The following MDGA2 variants were observed in gnomAD, a reference collection of about 807,000 sequenced individuals.
MDGA2 encodes MAM domain containing glycosylphosphatidylinositol anchor 2.
In MDGA2, 40 loss-of-function variants were observed where a neutral mutation model predicts 117.8. The observed-to-expected ratio is 0.34, with a 90% CI of 0.26 to 0.44. MDGA2 has a LOEUF of 0.44. MDGA2 is among the 20% of genes least tolerant of loss of function. The probability of loss-of-function intolerance (pLI) is 1.00; values close to 1 mark genes in which losing one functional copy is unlikely to be tolerated. For missense variants in MDGA2, 1,123 were observed against 1,250.6 expected (o/e 0.90, Z 1.54); for synonymous variants, 452 against 439.0 (o/e 1.03, Z -0.37).
intron 2 of MDGA2, among the ~76,000 whole-genome samples, chr14:47,278,940 T>C (rs1014633326): frequency 2.4e-4 from 36 of 152,134 alleles, no homozygotes; most frequent in East Asian, 1.2e-3. Context: ...CATCAGAATA[T>C]ATAGGAAGGC....
At chr14:47,563,569 C>CT in intron 1 of MDGA2, among the ~76,000 whole-genome samples, 1 of 85,386 alleles carries the variant, frequency 1.2e-5, no homozygotes, top group Non-Finnish European at 2.4e-5. Flanking sequence ...GCAACCCCTG[C>CT]TTTTTTCTGT....
intron 9 of MDGA2, among the ~76,000 whole-genome samples, chr14:46,923,971 C>A (rs1213869101): frequency 1.3e-5 from 2 of 151,972 alleles, no homozygotes; most frequent in Non-Finnish European, 2.9e-5. Context: ...AATTTTCTTA[C>A]TCTGTCACAT....
intron 1 of MDGA2, among the ~76,000 whole-genome samples, chr14:47,360,496 G>A (rs1222773534): frequency 6.6e-6 from 1 of 152,046 alleles, no homozygotes; most frequent in Non-Finnish European, 1.5e-5. Context: ...CTTTCCCAAT[G>A]AGAGAAATGC....
At chr14:46,842,751 C>T (rs1594988004) in intron 16 of MDGA2, among the ~76,000 whole-genome samples, 1 of 152,226 alleles carries the variant, frequency 6.6e-6, no homozygotes, top group East Asian at 1.9e-4. Context: ...TGGCTTGTAT[C>T]TAGGGGAGAA....
intron 4 of MDGA2, among the ~76,000 whole-genome samples, chr14:47,134,297 C>A (rs540462670): frequency 1.3e-4 from 20 of 152,060 alleles, no homozygotes; most frequent in African/African-American, 4.3e-4. Context: ...GTTAATAGTA[C>A]TGTAACTACC....
intron 7 of MDGA2, among the ~76,000 whole-genome samples, chr14:47,054,584 C>A (rs372431464): frequency 1.3e-5 from 2 of 149,642 alleles, no homozygotes; most frequent in African/African-American, 4.9e-5. Flanking sequence ...TTTGTCCTTG[C>A]GATAGTTTGC....
chr14:47,249,033 G>C lies in MDGA2; in HGVS notation c.421-30838C>G, dbSNP rs1357201915. Among the ~76,000 whole-genome samples the C allele has an allele frequency of 1.9e-3, 101 of 53,774 alleles. 1 individual carries two copies. The highest frequency in any genetic ancestry group is 8.2e-3 in the African/African-American group (96 of 11,644). The allele number at this position is 53,774 out of a possible 152,430, so 35.3% of individuals were successfully genotyped here. On this transcript the variant is annotated intron_variant, in intron 2 of 16. Transcript: ENST00000399232. ...TTTGTTGTTGTTGTTGTTGTTTTTTGTTTTTCATGGAGTCTCGCTCTGTCA... is the reference window on the plus strand; with the variant it reads ...TTTGTTGTTGTTGTTGTTGTTTTTTCTTTTTCATGGAGTCTCGCTCTGTCA...
intron 1 of MDGA2, among the ~76,000 whole-genome samples, chr14:47,452,092 G>A (rs1470625600): frequency 6.6e-6 from 1 of 152,080 alleles, no homozygotes; most frequent in East Asian, 1.9e-4. Context: ...TTTTGAACAG[G>A]ATTCTTTAAA....
intron 2 of MDGA2, among the ~76,000 whole-genome samples, chr14:47,296,726 C>T (rs888656287): frequency 1.3e-5 from 2 of 152,212 alleles, no homozygotes; most frequent in African/African-American, 4.8e-5. Context: ...AGCAATGCTA[C>T]CATACATTTC....
At chr14:46,931,491 G>A (rs542490568) in intron 9 of MDGA2, among the ~76,000 whole-genome samples, 3 of 147,926 alleles carry the variant, frequency 2.0e-5, no homozygotes, top group South Asian at 4.3e-4. Context: ...GAAAAAAAAT[G>A]TGTTTCATTC....
chr14:47,275,187 A>T (rs1443438876), intron 2 of MDGA2, among the ~76,000 whole-genome samples: 2 of 152,160 alleles, frequency 1.3e-5, no homozygotes, highest in Non-Finnish European at 2.9e-5. Flanking sequence ...GAATAGTGGA[A>T]CCTTATTCCA....
chr14:47,288,212 T>G (rs768140562), intron 2 of MDGA2, among the ~76,000 whole-genome samples: 3 of 152,186 alleles, frequency 2.0e-5, no homozygotes, highest in Non-Finnish European at 2.9e-5. Context: ...AGATATAAAA[T>G]TTACATATCT....
intron 1 of MDGA2, among the ~76,000 whole-genome samples, chr14:47,467,548 C>T (rs1256292198): frequency 6.6e-6 from 1 of 152,198 alleles, no homozygotes; most frequent in Middle Eastern, 3.4e-3. Context: ...TAATTTTCAA[C>T]ACCCAGAAGT....
chr14:47,666,287 G>T (rs1262178525), intron 1 of MDGA2, among the ~76,000 whole-genome samples: 1 of 152,120 alleles, frequency 6.6e-6, no homozygotes, highest in Non-Finnish European at 1.5e-5. Context: ...GCACCAATCA[G>T]CACTCTGTGT....
At chr14:47,484,667 T>C (rs1894021199) in intron 1 of MDGA2, among the ~76,000 whole-genome samples, 1 of 152,284 alleles carries the variant, frequency 6.6e-6, no homozygotes, top group African/African-American at 2.4e-5. Context: ...TTGTAGCTCC[T>C]ATACTTCCCA....
chr14:47,451,618 C>T (rs1470088644), intron 1 of MDGA2, among the ~76,000 whole-genome samples: 3 of 152,082 alleles, frequency 2.0e-5, no homozygotes, highest in Non-Finnish European at 4.4e-5. Flanking sequence ...CAAAAACCTA[C>T]GTAGTAATAA....
At chr14:46,908,594 C>CTTATAAA (rs1386254404) in intron 10 of MDGA2, among the ~76,000 whole-genome samples, 1 of 151,998 alleles carries the variant, frequency 6.6e-6, no homozygotes, top group Non-Finnish European at 1.5e-5. Context: ...TATAAACTGT[C>CTTATAAA]CATAGGTTTT....
intron 1 of MDGA2, among the ~76,000 whole-genome samples, chr14:47,623,627 A>G (rs1167542982): frequency 2.0e-5 from 3 of 152,202 alleles, no homozygotes; most frequent in Non-Finnish European, 4.4e-5. Context: ...CATTCATCAT[A>G]AACACCTCAT....
intron 8 of MDGA2, among the ~76,000 whole-genome samples, chr14:47,009,259 C>A (rs1594522201): frequency 6.6e-6 from 1 of 152,024 alleles, no homozygotes; most frequent in African/African-American, 2.4e-5. Context: ...AGCAATAATA[C>A]ATGATAGAAA....
Sources: allele counts gnomAD v4.1 joint callset (sites outside exome capture counted in the v4.1 genomes callset), GRCh38; gene constraint gnomAD v4.1.1; transcripts MANE v1.5; gene names NCBI Gene and HGNC (gene_info 2026-07-23, HGNC 2026-07-21).